Variants in NUP188 observed in about 807,000 individuals in gnomAD.
The protein encoded by NUP188 is nucleoporin 188.
NUP188 carries 97 observed loss-of-function variants against 223.0 expected under a neutral mutation model. The ratio of observed to expected loss-of-function variants is 0.43; its 90% CI spans 0.37 to 0.51. The LOEUF (loss-of-function observed/expected upper bound fraction) is 0.51. Ranked by LOEUF, NUP188 falls within the 20% of genes least tolerant of loss-of-function variation. The probability of loss-of-function intolerance (pLI) is 0.00; values close to 1 mark genes in which losing one functional copy is unlikely to be tolerated. For missense variants in NUP188, 1,947 were observed against 2,175.6 expected (o/e 0.89, Z 2.09); for synonymous variants, 869 against 828.0 (o/e 1.05, Z -0.85).
chr9:128,996,601 C>T (rs1298370064), intron 30 of NUP188, among the ~76,000 whole-genome samples: 1 of 152,148 alleles, frequency 6.6e-6, no homozygotes, highest in Non-Finnish European at 1.5e-5. Flanking sequence ...TGTGGCTACT[C>T]TTGCTGTGGC....
At chr9:128,998,729 C>T in intron 32 of NUP188, 106 bp downstream of exon 32, 2 of 885,110 alleles carry the variant, frequency 2.3e-6, no homozygotes, top group Non-Finnish European at 3.7e-6. Context: ...GGCTGGTTTT[C>T]CATCTTGAGG....
At chr9:128,990,954 G>A (rs908358026) in intron 25 of NUP188, among the ~76,000 whole-genome samples, 1 of 151,840 alleles carries the variant, frequency 6.6e-6, no homozygotes, top group Non-Finnish European at 1.5e-5. Flanking sequence ...GGAGGCAGAA[G>A]TTGCGGTGAG....
chr9:128,986,666 A>G lies in NUP188; in HGVS notation c.2185A>G (p.Arg729Gly). 2 of 1,614,194 alleles carry G rather than the reference A, an allele frequency of 1.2e-6. No individual in the cohort carries two copies. The highest frequency in any genetic ancestry group is 1.7e-6 in the Non-Finnish European group (2 of 1,180,038). ...GTGGCGCTACAACTCTCATGGAGTGAGGGAACAGATTGGTAAGGACAGCAT... is the reference window on the plus strand; with the variant it reads ...GTGGCGCTACAACTCTCATGGAGTGGGGGAACAGATTGGTAAGGACAGCAT... ...HKWRYNSHGV[R>G]EQIGCLILEL... The change falls in exon 21 of 44, where the codon AGG becomes GGG. Residue 729 changes from arginine (R) to glycine (G), a missense_variant. By Grantham distance (125) the Arg-to-Gly change is moderately radical. Coordinates refer to ENST00000372577, the MANE Select transcript of NUP188 (RefSeq NM_015354.3).
intron 12 of NUP188, among the ~76,000 whole-genome samples, chr9:128,977,730 C>T (rs1035094651): frequency 6.6e-6 from 1 of 151,738 alleles, no homozygotes; most frequent in Non-Finnish European, 1.5e-5. Flanking sequence ...ACCGGGGAGG[C>T]GGAGGTTGCA....
intron 2 of NUP188, among the ~76,000 whole-genome samples, chr9:128,951,261 C>G (rs902851194): frequency 1.3e-5 from 2 of 148,418 alleles, no homozygotes; most frequent in African/African-American, 5.0e-5. Flanking sequence ...GAGTCGAGAT[C>G]GCGCAACTGT....
chr9:128,992,108 A>G (rs1046256143), intron 25 of NUP188, among the ~76,000 whole-genome samples: 2 of 151,590 alleles, frequency 1.3e-5, no homozygotes, highest in African/African-American at 2.4e-5. Context: ...ACGGGGTTTC[A>G]CCGTGGTCTC....
chr9:128,975,411 A>G (rs1295374695), intron 12 of NUP188, among the ~76,000 whole-genome samples: 2 of 149,502 alleles, frequency 1.3e-5, no homozygotes, highest in African/African-American at 2.5e-5. Context: ...TTTAGTAGAG[A>G]TGGGGTTTCA....
intron 11 of NUP188, among the ~76,000 whole-genome samples, chr9:128,971,268 A>G (rs572868130): frequency 6.6e-6 from 1 of 152,330 alleles, no homozygotes; most frequent in East Asian, 1.9e-4. Context: ...ACTCTTTGCC[A>G]GTAAAGTATG....
chr9:128,955,662 A>G (rs918538343), intron 3 of NUP188, among the ~76,000 whole-genome samples: 1 of 149,116 alleles, frequency 6.7e-6, no homozygotes, highest in Non-Finnish European at 1.5e-5. Flanking sequence ...CTATTATGTC[A>G]TCTCCTACCG....
chr9:128,998,526 G>A lies in NUP188; in HGVS notation c.3430-12G>A. ...TCCACTGACTTCTGACTGGTGTGCT[G>A]TCTCCTTTCAGCTCCTAGTTCCAGC... is the stretch of plus-strand genomic sequence containing the variant. On this transcript the variant is annotated splice_polypyrimidine_tract_variant and intron_variant, in intron 31 of 43. Coordinates refer to ENST00000372577, the MANE Select transcript of NUP188 (RefSeq NM_015354.3). 2 of 1,612,372 alleles carry A rather than the reference G, an allele frequency of 1.2e-6. No individual in the cohort carries two copies. Among genetic ancestry groups the A allele is most frequent in the Non-Finnish European group, 1.7e-6 (2 of 1,178,412 alleles).
At chr9:128,983,623 T>G (rs1237270551) in intron 19 of NUP188, 73 bp downstream of exon 19, 1 of 986,286 alleles carries the variant, frequency 1.0e-6, no homozygotes, top group Non-Finnish European at 1.5e-6. Context: ...TAGCCTAGGT[T>G]TATTAATTTT....
Position 128,993,660 on chromosome 9 carries a change from C to G in NUP188, c.2983C>G (p.Arg995Gly), listed in dbSNP as rs1003233120. 3 of 1,614,154 alleles carry G rather than the reference C, an allele frequency of 1.9e-6. No homozygotes were observed. Among genetic ancestry groups the G allele is most frequent in the Non-Finnish European group, 2.5e-6 (3 of 1,180,030 alleles). ...CTTTTTGCATGCTCTGTGGCAGGAT[C>G]GGAGGGACAGTGCCATGCTGGTCCT... ...IAFLHALWQDRRDSAMLVLRT... is the reference protein window; with the variant it reads ...IAFLHALWQDGRDSAMLVLRT... Residue 995 changes from arginine to glycine, a missense_variant, in exon 27 of 44, where the codon CGG (arginine) becomes GGG (glycine). Arg to Gly is a moderately radical substitution (Grantham distance 125, BLOSUM62 -2). Around this residue, in one of 3 missense-constraint regions of NUP188, gnomAD observed 905 missense variants for 990.6 expected, o/e 0.91. Transcript: ENST00000372577.
chr9:128,958,316 A>G (rs1841899451), intron 6 of NUP188, among the ~76,000 whole-genome samples: 1 of 152,190 alleles, frequency 6.6e-6, no homozygotes, highest in Non-Finnish European at 1.5e-5. Flanking sequence ...GTCCAACAGG[A>G]TTAATTTGTA....
At chr9:128,968,286 T>TA (rs1348261356) in intron 8 of NUP188, among the ~76,000 whole-genome samples, 1 of 151,870 alleles carries the variant, frequency 6.6e-6, no homozygotes, top group Non-Finnish European at 1.5e-5. Flanking sequence ...AAAAAAAAAT[T>TA]AAATACGGAC....
At chr9:128,980,048 A>G (rs1842234709) in intron 13 of NUP188, among the ~76,000 whole-genome samples, 1 of 152,188 alleles carries the variant, frequency 6.6e-6, no homozygotes, top group Non-Finnish European at 1.5e-5. Flanking sequence ...TTGTCAGGGT[A>G]TTGTAACTAG....
rs766727489 is a variant in NUP188 at position 128,952,761 on chromosome 9, G to A, written c.88-12G>A. ...AATACTGCATTTGTATAATTACCTTGTTCTTTTCCAGAGTCAGATTGAGGC... is the reference window on the plus strand; with the variant it reads ...AATACTGCATTTGTATAATTACCTTATTCTTTTCCAGAGTCAGATTGAGGC... On this transcript the variant is annotated splice_polypyrimidine_tract_variant and intron_variant, in intron 2 of 43. Transcript: ENST00000372577. The A allele has an allele frequency of 3.1e-6, 5 of 1,598,264 alleles. No individual in the cohort carries two copies. In the East Asian group the frequency reaches 6.7e-5, roughly 21 times the overall value.
At chr9:128,972,636 A>C (rs1050070909) in intron 11 of NUP188, among the ~76,000 whole-genome samples, 1 of 152,238 alleles carries the variant, frequency 6.6e-6, no homozygotes, top group Non-Finnish European at 1.5e-5. Flanking sequence ...GAAGTTATTC[A>C]GTTGTAACAA....
rs1380155280 is a variant in NUP188 at position 128,959,104 on chromosome 9, A to G, written c.555A>G (p.Ala185=). The change falls in exon 8 of 44, where the codon GCA becomes GCG. Residue 185 remains alanine, a synonymous_variant. Coordinates refer to ENST00000372577, the MANE Select transcript of NUP188 (RefSeq NM_015354.3). Reference sequence around the variant, plus strand: ...TCGAAGAGCTTTATAAAACTGAAGCACCAACTTGGGAGACACATGGAAATC... The same window carrying G: ...TCGAAGAGCTTTATAAAACTGAAGCGCCAACTTGGGAGACACATGGAAATC... ...QQFEELYKTE[A]PTWETHGNLM... is the part of the protein sequence containing the mutation. 6.2e-7 allele frequency: 1 copy of G among 1,602,314 alleles called. No homozygotes were observed. The highest frequency in any genetic ancestry group is 8.5e-7 in the Non-Finnish European group (1 of 1,173,880).
At chr9:128,999,407 A>T in intron 33 of NUP188, 90 bp downstream of exon 33, 1 of 1,502,824 alleles carries the variant, frequency 6.7e-7, no homozygotes, top group Non-Finnish European at 9.0e-7. Context: ...AGGGCCACAC[A>T]TTTCTTCTGG....
Sources: allele counts gnomAD v4.1 joint callset (sites outside exome capture counted in the v4.1 genomes callset), GRCh38; gene constraint gnomAD v4.1.1; regional missense constraint gnomAD v4.1.1; transcripts MANE v1.5; gene names NCBI Gene and HGNC (gene_info 2026-07-23, HGNC 2026-07-21).